The following CHST8 variants were observed in gnomAD, a reference collection of about 807,000 sequenced individuals.
CHST8 encodes the protein GALNAC-4-ST1.
A neutral mutation model predicts 15.0 loss-of-function variants in CHST8; 10 were observed. The ratio of observed to expected loss-of-function variants is 0.67; its 90% CI spans 0.41 to 1.13. The LOEUF (loss-of-function observed/expected upper bound fraction) is 1.13, where lower values mean the gene tolerates loss of function less well. Ranked by LOEUF, CHST8 falls within the 50% of genes most tolerant of loss-of-function variation. The pLI, the probability that CHST8 is intolerant of heterozygous loss-of-function variation, is 0.00. For missense variants in CHST8, 634 were observed against 608.2 expected, an observed-to-expected ratio of 1.04 and a Z score of -0.45; for synonymous variants, 259 against 256.6, an observed-to-expected ratio of 1.01 and a Z score of -0.09.
At chr19:33,702,911 A>G (rs998545670) in intron 3 of CHST8, among the ~76,000 whole-genome samples, 1 of 152,234 alleles carries the variant, frequency 6.6e-6, no homozygotes, top group African/African-American at 2.4e-5. Context: ...AGGGCCAGGC[A>G]TTGAGCCCAA....
chr19:33,623,632 CCTG>C (rs1384699509), intron 1 of CHST8, among the ~76,000 whole-genome samples: 62 of 152,308 alleles, frequency 4.1e-4, no homozygotes, highest in Non-Finnish European at 1.6e-4. Flanking sequence ...CCCTTGCCTA[CCTG>C]TGGGGAAGTC....
intron 3 of CHST8, among the ~76,000 whole-genome samples, chr19:33,751,292 G>A (rs1411115238): frequency 1.3e-5 from 2 of 152,160 alleles, no homozygotes; most frequent in East Asian, 1.9e-4. Context: ...CCACCCTCCC[G>A]CTGTTCAATA....
chr19:33,624,894 A>C (rs1333340845), intron 1 of CHST8, among the ~76,000 whole-genome samples: 1 of 152,026 alleles, frequency 6.6e-6, no homozygotes, highest in Non-Finnish European at 1.5e-5. Context: ...TCCCTGGCTG[A>C]TGTCCCCATC....
rs555230329 is a variant in CHST8 at position 33,674,340 on chromosome 19, C to G, written c.-87+6497C>G. 5.3e-5 allele frequency among the ~76,000 whole-genome samples: 8 copies of G among 152,338 alleles called. No homozygotes were observed. The East Asian group carries it at 1.4e-3, about 26-fold the overall frequency. ...AGTCCCAATTAACCATCTGCAGGAG[C>G]TGCCATCGGCATGGGGGAGGGGCTG... On this transcript the variant is annotated intron_variant, in intron 2 of 4. Coordinates refer to ENST00000650847, the MANE Select transcript of CHST8 (RefSeq NM_001127895.2).
chr19:33,771,342 C>T (rs1974978752), intron 3 of CHST8, 71 bp from the exon 4 acceptor site: 3 of 1,474,840 alleles, frequency 2.0e-6, no homozygotes, highest in African/African-American at 2.8e-5. Context: ...CAGCCAGCAG[C>T]CCATAAGCAG....
At chr19:33,751,421 G>A (rs1974418399) in intron 3 of CHST8, among the ~76,000 whole-genome samples, 1 of 152,226 alleles carries the variant, frequency 6.6e-6, no homozygotes, top group South Asian at 2.1e-4. Context: ...GTGCTGTGGC[G>A]GCAGCTTGCC....
At chr19:33,741,067 T>C (rs1291530718) in intron 3 of CHST8, among the ~76,000 whole-genome samples, 1 of 152,226 alleles carries the variant, frequency 6.6e-6, no homozygotes, top group East Asian at 1.9e-4. Flanking sequence ...CAGAACTGTT[T>C]GTGGTGTCAG....
At chr19:33,691,266 G>A (rs915589232) in intron 3 of CHST8, among the ~76,000 whole-genome samples, 1 of 152,196 alleles carries the variant, frequency 6.6e-6, no homozygotes, top group Non-Finnish European at 1.5e-5. Context: ...ATGTCAGATG[G>A]CACGGAGCCG....
At chr19:33,707,512 G>A (rs779897944) in intron 3 of CHST8, among the ~76,000 whole-genome samples, 3 of 152,142 alleles carry the variant, frequency 2.0e-5, no homozygotes, top group Non-Finnish European at 4.4e-5. Flanking sequence ...ATCATACACT[G>A]TGTGGTCTAT....
intron 2 of CHST8, chr19:33,685,023 G>T (rs549253416): frequency 6.6e-6 from 1 of 152,324 alleles, no homozygotes; most frequent in South Asian, 2.1e-4. Context: ...CCCGGGGTCC[G>T]CTGACCACGT....
intron 1 of CHST8, among the ~76,000 whole-genome samples, chr19:33,624,942 T>C (rs1008447042): frequency 6.6e-6 from 1 of 152,178 alleles, no homozygotes; most frequent in Non-Finnish European, 1.5e-5. Flanking sequence ...GAGATCCCTG[T>C]CTTAGCTACA....
At chr19:33,648,990 A>AC (rs1972396566) in intron 1 of CHST8, among the ~76,000 whole-genome samples, 2 of 132,482 alleles carry the variant, frequency 1.5e-5, no homozygotes, top group African/African-American at 2.9e-5. Flanking sequence ...TGCAAGCTCC[A>AC]CCCCCCAGGT....
At chr19:33,666,798 G>A (rs1972667904) in intron 1 of CHST8, among the ~76,000 whole-genome samples, 1 of 152,146 alleles carries the variant, frequency 6.6e-6, no homozygotes, top group African/African-American at 2.4e-5. Flanking sequence ...CGCCTCCCGG[G>A]TTCAAGCAAT....
At chr19:33,709,200 C>A (rs1377966119) in intron 3 of CHST8, among the ~76,000 whole-genome samples, 1 of 152,086 alleles carries the variant, frequency 6.6e-6, no homozygotes, top group Non-Finnish European at 1.5e-5. Flanking sequence ...AGCTCGAATG[C>A]CTTTTATTTC....
rs561464646 is a variant in CHST8 at position 33,767,243 on chromosome 19, A to G, written c.131-4170A>G. 2.3e-4 allele frequency among the ~76,000 whole-genome samples: 35 copies of G among 152,288 alleles called. No homozygotes were observed. The South Asian group carries it at 7.0e-3, about 31-fold the overall frequency. Reference sequence around the variant, plus strand: ...CTGCCTGTCTACAGGGCCTGACCAAAAGGCTGCTCCCCAGTTACCACCCTC... The same window carrying G: ...CTGCCTGTCTACAGGGCCTGACCAAGAGGCTGCTCCCCAGTTACCACCCTC... On this transcript the variant is annotated intron_variant, in intron 3 of 4. Coordinates refer to ENST00000650847, the MANE Select transcript of CHST8 (RefSeq NM_001127895.2).
chr19:33,683,437 C>A (rs908445245), intron 2 of CHST8, among the ~76,000 whole-genome samples: 1 of 152,110 alleles, frequency 6.6e-6, no homozygotes, highest in African/African-American at 2.4e-5. Flanking sequence ...GCGAGCGGGC[C>A]TCGGGTATTT....
At chr19:33,713,800 G>A (rs1973605890) in intron 3 of CHST8, among the ~76,000 whole-genome samples, 1 of 152,098 alleles carries the variant, frequency 6.6e-6, no homozygotes. Context: ...ACTTCGAACG[G>A]GCACCCGCCT....
At chr19:33,724,560 G>T (rs974402013) in intron 3 of CHST8, among the ~76,000 whole-genome samples, 1 of 152,188 alleles carries the variant, frequency 6.6e-6, no homozygotes, top group Non-Finnish European at 1.5e-5. Context: ...TGGAGGACAC[G>T]CCCTCCCTCA....
At chr19:33,739,413 G>A (rs1026981179) in intron 3 of CHST8, among the ~76,000 whole-genome samples, 4 of 152,192 alleles carry the variant, frequency 2.6e-5, no homozygotes, top group Non-Finnish European at 4.4e-5. Context: ...GTGGCCAGTT[G>A]TCTTCCTCCC....
Sources: allele counts gnomAD v4.1 joint callset (sites outside exome capture counted in the v4.1 genomes callset), GRCh38; gene constraint gnomAD v4.1.1; transcripts MANE v1.5; gene names NCBI Gene and HGNC (gene_info 2026-07-23, HGNC 2026-07-21).